DMD: variants seen among roughly 807,000 people sequenced by gnomAD.
DMD encodes dystrophin, also known as mutant dystrophin.
Under a neutral mutation model 330.1 loss-of-function variants are expected in DMD, and 63 were observed. The ratio of observed to expected loss-of-function variants is 0.19; its 90% confidence interval spans 0.16 to 0.24. The LOEUF is 0.24. DMD is among the 10% of genes least tolerant of loss of function. The pLI, the probability that DMD is intolerant of heterozygous loss-of-function variation, is 1.00. For synonymous variants in DMD, 1,223 were observed against 959.8 expected (o/e 1.27, Z -5.07); for missense variants, 3,344 against 2,684.1 (o/e 1.25, Z -5.43).
At chrX:31,849,815 G>A (rs1376165310) in intron 48 of DMD, among the ~76,000 whole-genome samples, 1 of 111,112 alleles carries the variant, frequency 9.0e-6, no homozygotes, top group African/African-American at 3.3e-5. Context: ...TGATCTGAAT[G>A]AGATATAAAT....
chrX:32,443,287 T>C (rs925726576), intron 27 of DMD, among the ~76,000 whole-genome samples: 6 of 111,292 alleles, frequency 5.4e-5, no homozygotes, highest in Non-Finnish European at 1.1e-4. Flanking sequence ...TCGATCTCTA[T>C]CTGATGAAAA....
chrX:31,229,597 C>A (rs1232727786), intron 63 of DMD, among the ~76,000 whole-genome samples: 1 of 111,896 alleles, frequency 8.9e-6, no homozygotes, highest in Non-Finnish European at 1.9e-5. Context: ...TAATCCAAAT[C>A]TCCCAGGTGG....
chrX:32,614,887 T>G (rs1197876185), intron 11 of DMD, among the ~76,000 whole-genome samples: 1 of 110,847 alleles, frequency 9.0e-6, no homozygotes, highest in African/African-American at 3.3e-5. Flanking sequence ...TTTTTTTTTT[T>G]GACCACAGAA....
chrX:32,741,641 T>C (rs1448848945), intron 7 of DMD, among the ~76,000 whole-genome samples: 1 of 111,744 alleles, frequency 8.9e-6, no homozygotes, highest in Non-Finnish European at 1.9e-5. Context: ...ATGAATTTTC[T>C]GGTATCATAT....
At chrX:31,286,626 T>C (rs1217436401) in intron 62 of DMD, among the ~76,000 whole-genome samples, 4 of 112,639 alleles carry the variant, frequency 3.6e-5, no homozygotes, top group Non-Finnish European at 5.6e-5. Flanking sequence ...GAACATCATG[T>C]CTCATTTTAG....
chrX:32,383,810 G>T (rs1297642110), intron 33 of DMD, among the ~76,000 whole-genome samples: 1 of 109,228 alleles, frequency 9.2e-6, no homozygotes, highest in African/African-American at 3.3e-5. Flanking sequence ...ATCAACTCAG[G>T]GCACTATTAT....
chrX:33,232,286 A>G (rs2052402042), intron 1 of DMD, among the ~76,000 whole-genome samples: 1 of 112,146 alleles, frequency 8.9e-6, no homozygotes, highest in Non-Finnish European at 1.9e-5. Flanking sequence ...AAAAAATGAA[A>G]GTAAAACAAA....
chrX:32,546,351 G>T (rs2048964661), intron 16 of DMD, among the ~76,000 whole-genome samples: 1 of 109,164 alleles, frequency 9.2e-6, no homozygotes, highest in Non-Finnish European at 1.9e-5. Flanking sequence ...AACTGCCTCT[G>T]GTTACAAGCA....
At chrX:32,848,676 A>C (rs887558352) in intron 3 of DMD, among the ~76,000 whole-genome samples, 2 of 111,330 alleles carry the variant, frequency 1.8e-5, no homozygotes, top group African/African-American at 6.5e-5. Context: ...AGTCATACAT[A>C]CACTAAAAAC....
chrX:31,835,789 C>T (rs937207745), intron 49 of DMD, among the ~76,000 whole-genome samples: 1 of 111,662 alleles, frequency 9.0e-6, no homozygotes, highest in Non-Finnish European at 1.9e-5. Flanking sequence ...TTTGCAAGGA[C>T]AAACTGGTTC....
chrX:33,327,836 G>C (rs1007784951), intron 1 of DMD, among the ~76,000 whole-genome samples: 2 of 111,709 alleles, frequency 1.8e-5, no homozygotes, highest in Non-Finnish European at 3.8e-5. Context: ...ATCTCACTTA[G>C]GCTCAGCTTC....
intron 44 of DMD, among the ~76,000 whole-genome samples, chrX:32,132,279 C>T (rs1273118528): frequency 2.7e-5 from 3 of 111,846 alleles, no homozygotes; most frequent in African/African-American, 9.8e-5. Flanking sequence ...AGCAACTGTC[C>T]ATCATGGTCA....
At chrX:31,785,966 A>C (rs1351768656) in intron 50 of DMD, among the ~76,000 whole-genome samples, 1 of 111,993 alleles carries the variant, frequency 8.9e-6, no homozygotes, top group East Asian at 2.8e-4. Context: ...GTATATACCC[A>C]GTAATGGGAT....
At chrX:32,275,476 A>G (rs1382197885) in intron 43 of DMD, among the ~76,000 whole-genome samples, 1 of 111,835 alleles carries the variant, frequency 8.9e-6, no homozygotes, top group East Asian at 2.8e-4. Context: ...AATAAAATAA[A>G]TCAGACCAAA....
chrX:32,397,078 A>T (rs1385380980), intron 30 of DMD, among the ~76,000 whole-genome samples: 1 of 111,820 alleles, frequency 8.9e-6, no homozygotes, highest in Admixed American at 9.6e-5. Flanking sequence ...TGACATTATG[A>T]GAATATGATG....
Position 31,478,455 on chromosome X carries a change from AAG to A in DMD, c.8669-83_8669-82del, listed in dbSNP as rs894372394. 7.7e-6 allele frequency: 9 copies of A among 1,163,983 alleles called. No homozygotes were observed. In the African/African-American group the frequency reaches 1.2e-4, roughly 16 times the overall value. ...CAAAAAGGTCATACTGGAAGAAAGAAAGAGTACAGTTGAACAAGAGGGTAACC... is the reference window on the plus strand; with the variant it reads ...CAAAAAGGTCATACTGGAAGAAAGAAAGTACAGTTGAACAAGAGGGTAACC... On this transcript the variant is annotated intron_variant, in intron 58 of 78. Coordinates refer to ENST00000357033, the MANE Select transcript of DMD (RefSeq NM_004006.3).
chrX:32,565,812 G>C lies in DMD; in HGVS notation c.1882C>G (p.Leu628Val), dbSNP rs1208125311. 1 of 1,211,336 alleles carries C rather than the reference G, an allele frequency of 8.3e-7. No homozygotes were observed. The highest frequency in any genetic ancestry group is 1.1e-6 in the Non-Finnish European group (1 of 895,159). The change falls in exon 16 of 79, where the codon CTT (leucine) becomes GTT (valine). Residue 628 changes from leucine (L) to valine (V), a missense_variant. Physicochemically the swap from Leu to Val is conservative, Grantham distance 32. Transcript: ENST00000357033. ...GKLYSLKQDL[L>V]STLKNKSVTQ... is the part of the protein sequence containing the mutation. Reference sequence around the variant, plus strand: ...ACTGACTTATTCTTCAGTGTTGAAAGAAGATCTTGTTTGAGTGAATACAGT... The same window carrying C: ...ACTGACTTATTCTTCAGTGTTGAAACAAGATCTTGTTTGAGTGAATACAGT...
intron 61 of DMD, among the ~76,000 whole-genome samples, chrX:31,337,851 G>A (rs897851454): frequency 1.5e-4 from 17 of 111,857 alleles, no homozygotes; most frequent in East Asian, 2.8e-4. Context: ...CCATGCCACC[G>A]GGCTAATTTC....
At chrX:32,408,312 G>A (rs1419662163) in intron 30 of DMD, among the ~76,000 whole-genome samples, 1 of 111,468 alleles carries the variant, frequency 9.0e-6, no homozygotes, top group Non-Finnish European at 1.9e-5. Context: ...TGAGGGCCCA[G>A]AGAAATAACT....
Sources: gnomAD v4.1 joint callset for allele counts (sites outside exome capture counted in the v4.1 genomes callset) on GRCh38, gnomAD v4.1.1 for gene constraint, MANE v1.5 for transcripts, NCBI Gene and HGNC (gene_info 2026-07-23, HGNC 2026-07-21) for gene names.